CASZ1: variants seen among roughly 807,000 people sequenced by gnomAD.
The protein encoded by CASZ1 is castor zinc finger 1.
In CASZ1, 28 loss-of-function variants were observed where a neutral mutation model predicts 135.2. That is an observed-to-expected ratio of 0.21 (90% CI 0.15 to 0.28). CASZ1 has a LOEUF of 0.28. Ranked by LOEUF, CASZ1 falls within the 10% of genes least tolerant of loss-of-function variation. CASZ1 has a pLI of 1.00. For missense variants in CASZ1, 2,161 were observed against 2,453.3 expected (o/e 0.88, Z 2.52); for synonymous variants, 1,068 against 1,073.4 (o/e 0.99, Z 0.10).
Position 10,648,089 on chromosome 1 carries a change from G to T in CASZ1, c.3209C>A (p.Ala1070Asp). 1.9e-6 allele frequency: 3 copies of T among 1,571,570 alleles called. No individual in the cohort carries two copies. Among genetic ancestry groups the T allele is most frequent in the Non-Finnish European group, 2.6e-6 (3 of 1,159,676 alleles). Residue 1070 changes from alanine to aspartate, a missense_variant, in exon 16 of 21, where the codon GCC (alanine) becomes GAC (aspartate). By Grantham distance (126) the Ala-to-Asp change is moderately radical (BLOSUM62 -2). Transcript: ENST00000377022. ...GGAAKGNTEA[A>D]FPASAAETKP... is the part of the protein sequence containing the mutation. ...GGTCTCGGCGGCCGAGGCCGGAAAG[G>T]CAGCCTCTGTGTTTCCTTTTGCTGC...
At chr1:10,689,057 G>A (rs546221271) in intron 4 of CASZ1, among the ~76,000 whole-genome samples, 2 of 152,344 alleles carry the variant, frequency 1.3e-5, no homozygotes, top group East Asian at 1.9e-4. Flanking sequence ...TCAGCTCAGG[G>A]AAGGCCGTGT....
At chr1:10,672,607 TTA>T (rs1431418858) in intron 4 of CASZ1, among the ~76,000 whole-genome samples, 1 of 152,162 alleles carries the variant, frequency 6.6e-6, no homozygotes, top group African/African-American at 2.4e-5. Context: ...TTGAATTTCA[TTA>T]TATCTATTGA....
At position 10,774,862 on chromosome 1, in the gene CASZ1, C is replaced by T. The variant is rs1391890445; in HGVS notation, c.-233-14005G>A. On this transcript the variant is annotated intron_variant, in intron 1 of 20. Transcript: ENST00000377022. The surrounding 1 kb of genome is among the most constrained non-coding windows in gnomAD (Gnocchi z 4.4). ...GTCTTACAGACAAGGGAATGAATCC[C>T]CACGTGTCTCCTGCAACCATCTCTG... Among the ~76,000 whole-genome samples, 1 of 152,160 alleles carries T rather than the reference C, an allele frequency of 6.6e-6. No individual in the cohort carries two copies. The highest frequency in any genetic ancestry group is 6.5e-5 in the Admixed American group (1 of 15,280).
chr1:10,702,287 AG>A (rs1206890402), intron 3 of CASZ1, among the ~76,000 whole-genome samples: 1 of 152,144 alleles, frequency 6.6e-6, no homozygotes, highest in East Asian at 1.9e-4. Context: ...CACCCTTTCA[AG>A]GAGCGCGCCC....
chr1:10,756,098 G>C lies in CASZ1; in HGVS notation c.-77+4603C>G, dbSNP rs1216393166. On this transcript the variant is annotated intron_variant, in intron 2 of 20. Coordinates refer to ENST00000377022, the MANE Select transcript of CASZ1 (RefSeq NM_001079843.3). The surrounding 1 kb of genome is among the most constrained non-coding windows in gnomAD (Gnocchi z 5.9). ...TCTGAGGCCTGGCAGACACGCCCAGGAAGACTGGCTGACACGCCCCTCGGA... is the reference window on the plus strand; with the variant it reads ...TCTGAGGCCTGGCAGACACGCCCAGCAAGACTGGCTGACACGCCCCTCGGA... Among the ~76,000 whole-genome samples, 1 of 152,064 alleles carries C rather than the reference G, an allele frequency of 6.6e-6. No homozygotes were observed. The highest frequency in any genetic ancestry group is 1.5e-5 in the Non-Finnish European group (1 of 68,016).
intron 5 of CASZ1, among the ~76,000 whole-genome samples, chr1:10,663,751 C>T (rs1015616267): frequency 2.6e-5 from 4 of 152,248 alleles, no homozygotes; most frequent in East Asian, 1.9e-4. Flanking sequence ...TGTCCTCCAG[C>T]GCTCAGCGCT....
At chr1:10,761,777 G>T (rs912162785) in intron 1 of CASZ1, among the ~76,000 whole-genome samples, 9 of 152,218 alleles carry the variant, frequency 5.9e-5, no homozygotes, top group Non-Finnish European at 1.3e-4. Flanking sequence ...CCCGATCTCG[G>T]CGTACGACCT....
intron 4 of CASZ1, among the ~76,000 whole-genome samples, chr1:10,667,236 C>T (rs943738908): frequency 3.3e-5 from 5 of 152,244 alleles, no homozygotes; most frequent in African/African-American, 4.8e-5. Flanking sequence ...CCTGGCCGTC[C>T]CAGCCAGATC....
At chr1:10,677,363 G>C (rs1638256900) in intron 4 of CASZ1, among the ~76,000 whole-genome samples, 1 of 152,134 alleles carries the variant, frequency 6.6e-6, no homozygotes, top group Non-Finnish European at 1.5e-5. Flanking sequence ...GTGGCACCGA[G>C]GAGGGCAGGA....
At chr1:10,656,921 C>A (rs949668055) in intron 7 of CASZ1, among the ~76,000 whole-genome samples, 185 bp from the exon 8 acceptor site, 4 of 152,156 alleles carry the variant, frequency 2.6e-5, no homozygotes, top group Non-Finnish European at 4.4e-5. Context: ...GCAAAGAGGC[C>A]TGGCCCCAAG....
chr1:10,684,845 C>G (rs1464574739), intron 4 of CASZ1, among the ~76,000 whole-genome samples: 3 of 152,228 alleles, frequency 2.0e-5, no homozygotes, highest in Non-Finnish European at 4.4e-5. Flanking sequence ...ACCTGAGCCT[C>G]TCCCATCTGT....
chr1:10,653,003 C>A (rs562749767), intron 11 of CASZ1: 5 of 290,354 alleles, frequency 1.7e-5, no homozygotes, highest in Non-Finnish European at 3.4e-5. Flanking sequence ...GGAGGAAACG[C>A]TCGGCACGCC....
chr1:10,695,665 GGC>G, intron 3 of CASZ1, among the ~76,000 whole-genome samples: 1 of 150,296 alleles, frequency 6.7e-6, no homozygotes, highest in Non-Finnish European at 1.5e-5. Context: ...TGGCCAGCCA[GGC>G]GCTTTGTGCT....
At chr1:10,663,997 A>G (rs1298077984) in intron 5 of CASZ1, among the ~76,000 whole-genome samples, 1 of 152,214 alleles carries the variant, frequency 6.6e-6, no homozygotes, top group Non-Finnish European at 1.5e-5. Flanking sequence ...GCCCAGCACA[A>G]TCACCTTGTG....
intron 4 of CASZ1, among the ~76,000 whole-genome samples, chr1:10,677,399 C>T (rs765277831): frequency 2.0e-5 from 3 of 152,042 alleles, no homozygotes; most frequent in East Asian, 1.9e-4. Flanking sequence ...CTCATGGGTA[C>T]GTCTAAAGTG....
At chr1:10,705,282 A>T (rs1326458087) in intron 3 of CASZ1, among the ~76,000 whole-genome samples, 2 of 152,196 alleles carry the variant, frequency 1.3e-5, no homozygotes, top group Non-Finnish European at 2.9e-5. Flanking sequence ...TCCAGCCTAA[A>T]AGCCAAACCG....
At position 10,694,189 on chromosome 1, in the gene CASZ1, G is replaced by C. The variant is rs922244970; in HGVS notation, c.-23-277C>G. On this transcript the variant is annotated intron_variant, in intron 3 of 20. Transcript: ENST00000377022. This position sits in a 1 kb window ranked among gnomAD's most constrained non-coding sequence, Gnocchi z 6.6. ...CCCGGCTTGGGGGCCCTGGCCGGGG[G>C]ATCCGCGAGGCCCAGGGGCGCCCCC... is the stretch of plus-strand genomic sequence containing the variant. 35 of 316,060 alleles carry C rather than the reference G, an allele frequency of 1.1e-4. No homozygotes were observed. In the East Asian group the frequency reaches 3.0e-3, roughly 27 times the overall value. The allele number at this position is 316,060 out of a possible 1,614,324, so 19.6% of individuals were successfully genotyped here.
chr1:10,699,968 CAGAG>C lies in CASZ1; in HGVS notation c.-24+5520_-24+5523del, dbSNP rs1047808258. On this transcript the variant is annotated intron_variant, in intron 3 of 20. Coordinates refer to ENST00000377022, the MANE Select transcript of CASZ1 (RefSeq NM_001079843.3). This position sits in a 1 kb window ranked among gnomAD's most constrained non-coding sequence, Gnocchi z 4.6. ...AGAAGAAACAGAAGAGAAGCAGAGA[CAGAG>C]AGAGAGAAAGAGAGACAGGCAGAGA... 4.6e-5 allele frequency among the ~76,000 whole-genome samples: 7 copies of C among 150,538 alleles called. No individual in the cohort carries two copies. The East Asian group carries it at 7.8e-4, about 17-fold the overall frequency.
chr1:10,641,535 A>AG (rs1445332980), intron 20 of CASZ1, among the ~76,000 whole-genome samples: 2 of 152,198 alleles, frequency 1.3e-5, no homozygotes, highest in Non-Finnish European at 2.9e-5. Flanking sequence ...GAGTCCACAG[A>AG]GACTTCCCTT....
Sources: allele counts gnomAD v4.1 joint callset (sites outside exome capture counted in the v4.1 genomes callset), GRCh38; gene constraint gnomAD v4.1.1; non-coding constraint Gnocchi (gnomAD v3.1); transcripts MANE v1.5; gene names NCBI Gene and HGNC (gene_info 2026-07-23, HGNC 2026-07-21).